ARHGEF19: variants seen among roughly 807,000 people sequenced by gnomAD.
ARHGEF19 encodes Rho guanine nucleotide exchange factor 19, also known as Rho guanine nucleotide exchange factor (GEF) 19.
A neutral mutation model predicts 87.6 loss-of-function variants in ARHGEF19; 92 were observed. The observed-to-expected ratio is 1.05, with a 90% CI of 0.89 to 1.25. The LOEUF (loss-of-function observed/expected upper bound fraction) is 1.25, where lower values mean the gene tolerates loss of function less well. Ranked by LOEUF, ARHGEF19 falls within the 50% of genes most tolerant of loss-of-function variation. The pLI is 0.00. For synonymous variants in ARHGEF19, 438 were observed against 446.2 expected (o/e 0.98, Z 0.23); for missense variants, 1,054 against 1,051.8 (o/e 1.00, Z -0.03).
chr1:16,204,982 G>A, intron 11 of ARHGEF19, 63 bp from the exon 12 acceptor site: 1 of 1,568,972 alleles, frequency 6.4e-7, no homozygotes, highest in Non-Finnish European at 8.6e-7. Flanking sequence ...CAAGATGGTA[G>A]ATGGGAGGGT....
chr1:16,200,159 C>G (rs1340388188), intron 14 of ARHGEF19, among the ~76,000 whole-genome samples: 1 of 152,222 alleles, frequency 6.6e-6, no homozygotes, highest in Non-Finnish European at 1.5e-5. Context: ...TTTCATTAGA[C>G]CAGGTGGGCT....
chr1:16,205,425 T>C lies in ARHGEF19; in HGVS notation c.1582A>G (p.Asn528Asp), dbSNP rs775450873. 6.2e-6 allele frequency: 10 copies of C among 1,611,004 alleles called. No homozygotes were observed. The South Asian group carries it at 6.6e-5, about 11-fold the overall frequency. The change falls in exon 10 of 16, where the codon AAC (asparagine) becomes GAC (aspartate). Residue 528 changes from asparagine to aspartate, a missense_variant and splice_region_variant. By Grantham distance (23) the Asn-to-Asp change is conservative. Transcript: ENST00000270747. This position sits in a 1 kb window ranked among gnomAD's most constrained non-coding sequence, Gnocchi z 5.8. ...RITRLKMLVE[N>D]ILKRTAQGSE... ...CCCTGTGCTGTCCGCTTCAGGATGT[T>C]CTGGAAGGTGGGATCAGCACAATGA... is the stretch of plus-strand genomic sequence containing the variant.
Position 16,205,017 on chromosome 1 carries a change from AG to A in ARHGEF19, c.1746+69del, listed in dbSNP as rs2081114141. ...TGTGGGCAGCGATTAACTGGCCTGA[AG>A]CCCCCAGGGCAAGGAAGAAACAAGA... On this transcript the variant is annotated intron_variant, in intron 11 of 15. Coordinates refer to ENST00000270747, the MANE Select transcript of ARHGEF19 (RefSeq NM_153213.5). The surrounding 1 kb of genome is among the most constrained non-coding windows in gnomAD (Gnocchi z 5.8). The A allele has an allele frequency of 6.4e-7, 1 of 1,562,256 alleles. No individual in the cohort carries two copies. Among genetic ancestry groups the A allele is most frequent in the Non-Finnish European group, 8.7e-7 (1 of 1,152,610 alleles).
Position 16,198,417 on chromosome 1 carries a change from G to C in ARHGEF19, c.*170C>G, listed in dbSNP as rs886263091. On this transcript the variant is annotated 3_prime_UTR_variant, in exon 16 of 16. Coordinates refer to ENST00000270747, the MANE Select transcript of ARHGEF19 (RefSeq NM_153213.5). This position sits in a 1 kb window ranked among gnomAD's most constrained non-coding sequence, Gnocchi z 4.1. ...GGACACTGAGGAGCATGAGGACGGAGAGACCCTCTGGAGGCGCCCCCATTC... is the reference window on the plus strand; with the variant it reads ...GGACACTGAGGAGCATGAGGACGGACAGACCCTCTGGAGGCGCCCCCATTC... 13 of 698,686 alleles carry C rather than the reference G, an allele frequency of 1.9e-5. No individual in the cohort carries two copies. The highest frequency in any genetic ancestry group is 3.6e-5 in the African/African-American group (2 of 55,958). The allele number at this position is 698,686 out of a possible 1,614,324, so 43.3% of individuals were successfully genotyped here.
intron 2 of ARHGEF19, 95 bp from the exon 3 acceptor site, chr1:16,208,320 A>C: frequency 2.8e-6 from 4 of 1,429,472 alleles, no homozygotes; most frequent in Admixed American, 2.3e-5. Context: ...GGGGAGGTTC[A>C]GGCACCATGC....
chr1:16,204,899 C>G lies in ARHGEF19; in HGVS notation c.1767G>C (p.Gln589His). 6.2e-7 allele frequency: 1 copy of G among 1,603,090 alleles called. No homozygotes were observed. Among genetic ancestry groups the G allele is most frequent in the Non-Finnish European group, 8.5e-7 (1 of 1,174,588 alleles). The change falls in exon 12 of 16, where the codon CAG (glutamine) becomes CAC (histidine). Residue 589 changes from glutamine (Q) to histidine (H), a missense_variant. By Grantham distance (24) the Gln-to-His change is conservative (BLOSUM62 0). Transcript: ENST00000270747. ...FEGKIFPLIS[Q>H]ARWLVRHGEL... ...CTCCATGCCGAACCAGCCAGCGGGC[C>G]TGAGAGATCAGCGGGAAAATCTAGA...
chr1:16,207,607 G>C lies in ARHGEF19; in HGVS notation c.798-9C>G. 6.2e-7 allele frequency: 1 copy of C among 1,614,038 alleles called. No individual in the cohort carries two copies. The highest frequency in any genetic ancestry group is 2.2e-5 in the East Asian group (1 of 44,862). On this transcript the variant is annotated splice_polypyrimidine_tract_variant and intron_variant, in intron 4 of 15. Transcript: ENST00000270747. The surrounding 1 kb of genome is among the most constrained non-coding windows in gnomAD (Gnocchi z 4.0). Reference sequence around the variant, plus strand: ...CTTCCTGTGTGTCTAGCCTAGGAAAGAGAGAGCGTCACGGCCCTAGTTCGC... The same window carrying C: ...CTTCCTGTGTGTCTAGCCTAGGAAACAGAGAGCGTCACGGCCCTAGTTCGC...
rs1255783102 is a variant in ARHGEF19 at position 16,208,886 on chromosome 1, C to T, written c.169G>A (p.Glu57Lys). The change falls in exon 2 of 16, where the codon GAG becomes AAG. Residue 57 changes from glutamate (E) to lysine (K), a missense_variant. Physicochemically the swap from Glu to Lys is moderately conservative, Grantham distance 56 (BLOSUM62 1). Coordinates refer to ENST00000270747, the MANE Select transcript of ARHGEF19 (RefSeq NM_153213.5). Reference sequence around the variant, plus strand: ...CAGCGGCTGCCAGGAGCCCGAAGCTCCTCTGGGGCAACAGGGAAAAGGTCC... The same window carrying T: ...CAGCGGCTGCCAGGAGCCCGAAGCTTCTCTGGGGCAACAGGGAAAAGGTCC... ...CLDLFPVAPE[E>K]LRAPGSRWSL... 6.2e-7 allele frequency: 1 copy of T among 1,601,294 alleles called. No individual in the cohort carries two copies. Among genetic ancestry groups the T allele is most frequent in the Non-Finnish European group, 8.5e-7 (1 of 1,176,060 alleles).
In ARHGEF19 at chr1:16,205,618, G is replaced by A. The variant is rs2081123052; in HGVS notation, c.1501C>T (p.Pro501Ser). ...PGILARLEES[P>S]VCQRLPLTSF... is the part of the protein sequence containing the mutation. ...GTAAGGGGCAGACGCTGGCACACAG[G>A]AGACTCCTCCAGGCGAGCCAGGATG... The change falls in exon 9 of 16, where the codon CCT (proline) becomes TCT (serine). Residue 501 changes from proline (P) to serine (S), a missense_variant. Pro to Ser is a moderately conservative substitution (Grantham distance 74). Coordinates refer to ENST00000270747, the MANE Select transcript of ARHGEF19 (RefSeq NM_153213.5). This position sits in a 1 kb window ranked among gnomAD's most constrained non-coding sequence, Gnocchi z 5.8. The A allele has an allele frequency of 5.6e-6, 9 of 1,613,786 alleles. No individual in the cohort carries two copies. The highest frequency in any genetic ancestry group is 1.1e-5 in the South Asian group (1 of 91,044).
chr1:16,203,250 C>T (rs570467235), intron 12 of ARHGEF19, among the ~76,000 whole-genome samples: 14 of 152,266 alleles, frequency 9.2e-5, no homozygotes, highest in African/African-American at 3.1e-4. Context: ...CTCAGCTTCT[C>T]CCACTCCAAG....
In ARHGEF19 at chr1:16,207,834, C is replaced by A; in HGVS notation, c.695-57G>T. 3 of 1,591,366 alleles carry A rather than the reference C, an allele frequency of 1.9e-6. No homozygotes were observed. Among genetic ancestry groups the A allele is most frequent in the Non-Finnish European group, 2.6e-6 (3 of 1,170,354 alleles). On this transcript the variant is annotated intron_variant, in intron 3 of 15. Transcript: ENST00000270747. This position sits in a 1 kb window ranked among gnomAD's most constrained non-coding sequence, Gnocchi z 4.0. Reference sequence around the variant, plus strand: ...CCAGAGAGTGGGCCTGGGGCCTGGGCCCCGGCCCAGGCACCCTGACGGCCT... The same window carrying A: ...CCAGAGAGTGGGCCTGGGGCCTGGGACCCGGCCCAGGCACCCTGACGGCCT...
At chr1:16,208,513 C>T in intron 2 of ARHGEF19, 130 bp downstream of exon 2, 1 of 1,266,248 alleles carries the variant, frequency 7.9e-7, no homozygotes, top group Non-Finnish European at 1.1e-6. Flanking sequence ...CCACTAGTTT[C>T]CTTATCACTA....
intron 14 of ARHGEF19, 147 bp downstream of exon 14, chr1:16,201,635 C>T: frequency 1.4e-6 from 1 of 725,386 alleles, no homozygotes; most frequent in Non-Finnish European, 2.2e-6. Flanking sequence ...GCCCAGCCTT[C>T]AAGGTTCCTC....
In ARHGEF19 at chr1:16,207,110, C is replaced by A. The variant is rs759364576; in HGVS notation, c.975G>T (p.Glu325Asp). 2 of 1,516,568 alleles carry A rather than the reference C, an allele frequency of 1.3e-6. No homozygotes were observed. The highest frequency in any genetic ancestry group is 2.1e-5 in the Admixed American group (1 of 47,114). 93.9% of individuals were successfully genotyped at this position (1,516,568 alleles called of 1,614,324 possible). The change falls in exon 6 of 16, where the codon GAG (glutamate) becomes GAT (aspartate). Residue 325 changes from glutamate (E) to aspartate (D), a missense_variant. Physicochemically the swap from Glu to Asp is conservative, Grantham distance 45 (BLOSUM62 2). Transcript: ENST00000270747. This position sits in a 1 kb window ranked among gnomAD's most constrained non-coding sequence, Gnocchi z 4.0. Reference sequence around the variant, plus strand: ...TGGCCCGCGGCGGCCCCGGCCCCTCCTCTGCGCCCTCGGCCTCGTCCCCCG... The same window carrying A: ...TGGCCCGCGGCGGCCCCGGCCCCTCATCTGCGCCCTCGGCCTCGTCCCCCG... ...EGPGDEAEGA[E>D]EGPGPPRANL...
In ARHGEF19 at chr1:16,207,370, T is replaced by C. The variant is rs1481094542; in HGVS notation, c.874+152A>G. 7.5e-7 allele frequency: 1 copy of C among 1,327,554 alleles called. No homozygotes were observed. Among genetic ancestry groups the C allele is most frequent in the Non-Finnish European group, 1.0e-6 (1 of 984,356 alleles). 82.2% of individuals were successfully genotyped at this position (1,327,554 alleles called of 1,614,324 possible). ...TTCATTCATTCATTCCATAAACAAA[T>C]TGAGCACCTACTGAGTGCTAGATAC... On this transcript the variant is annotated intron_variant, in intron 5 of 15. Transcript: ENST00000270747. This position sits in a 1 kb window ranked among gnomAD's most constrained non-coding sequence, Gnocchi z 4.0.
Position 16,199,262 on chromosome 1 carries a change from C to T in ARHGEF19, c.2147-8G>A. 6.2e-7 allele frequency: 1 copy of T among 1,613,672 alleles called. No homozygotes were observed. The highest frequency in any genetic ancestry group is 8.5e-7 in the Non-Finnish European group (1 of 1,179,716). ...ACTGAACCTGGGGGCAATCTGACAG[C>T]CCAAGGGAGGCTCAGGGAGTCCCAA... On this transcript the variant is annotated splice_polypyrimidine_tract_variant and splice_region_variant and intron_variant, in intron 14 of 15. Transcript: ENST00000270747.
In ARHGEF19 at chr1:16,199,197, G is replaced by A. The variant is rs751307706; in HGVS notation, c.2204C>T (p.Thr735Ile). Residue 735 changes from threonine to isoleucine, a missense_variant, in exon 15 of 16, where the codon ACC (threonine) becomes ATC (isoleucine). Transcript: ENST00000270747. ...TGACAGGATGTCAGTCTTCTCCAAGGTCAGCTCATCTGGGTGCAGTGCCTT... is the reference window on the plus strand; with the variant it reads ...TGACAGGATGTCAGTCTTCTCCAAGATCAGCTCATCTGGGTGCAGTGCCTT... ...TYKALHPDEL[T>I]LEKTDILSVR... 3 of 1,614,000 alleles carry A rather than the reference G, an allele frequency of 1.9e-6. No homozygotes were observed. Among genetic ancestry groups the A allele is most frequent in the Admixed American group, 3.3e-5 (2 of 60,006 alleles).
intron 12 of ARHGEF19, 114 bp from the exon 13 acceptor site, chr1:16,202,688 C>T: frequency 7.4e-7 from 1 of 1,356,606 alleles, no homozygotes; most frequent in Non-Finnish European, 1.0e-6. Context: ...GCCTGCCCTG[C>T]CAGCGTTCTC....
rs1220871129 is a variant in ARHGEF19, at chr1:16,206,755, C to T, written c.1137+193G>A. ...CAAGCCCGGCTCCCCTCGCCTCTCG[C>T]TCAGCGGCTTGCTGTCCTCGCTTCC... is the stretch of plus-strand genomic sequence containing the variant. On this transcript the variant is annotated intron_variant, in intron 6 of 15. Coordinates refer to ENST00000270747, the MANE Select transcript of ARHGEF19 (RefSeq NM_153213.5). The surrounding 1 kb of genome is among the most constrained non-coding windows in gnomAD (Gnocchi z 4.6). Among the ~76,000 whole-genome samples, 2 of 152,074 alleles carry T rather than the reference C, an allele frequency of 1.3e-5. No individual in the cohort carries two copies. Among genetic ancestry groups the T allele is most frequent in the Non-Finnish European group, 2.9e-5 (2 of 68,006 alleles).
Sources: gnomAD v4.1 joint callset for allele counts (sites outside exome capture counted in the v4.1 genomes callset) on GRCh38, gnomAD v4.1.1 for gene constraint, Gnocchi (gnomAD v3.1) non-coding constraint, MANE v1.5 for transcripts, NCBI Gene and HGNC (gene_info 2026-07-23, HGNC 2026-07-21) for gene names.